Variants in ETV6 observed in about 807,000 individuals in gnomAD.
ETV6 encodes the protein ETS variant transcription factor 6.
A neutral mutation model predicts 51.1 loss-of-function variants in ETV6; 16 were observed. The ratio of observed to expected loss-of-function variants is 0.31; its 90% CI spans 0.21 to 0.48. The LOEUF is 0.48. ETV6 is among the 20% of genes least tolerant of loss of function. The pLI is 0.99. For synonymous variants in ETV6, 240 were observed against 224.1 expected, an observed-to-expected ratio of 1.07 and a Z score of -0.64; for missense variants, 458 against 594.8, an observed-to-expected ratio of 0.77 and a Z score of 2.39.
chr12:11,865,962 T>C (rs1946785537), intron 4 of ETV6, among the ~76,000 whole-genome samples: 1 of 152,088 alleles, frequency 6.6e-6, no homozygotes, highest in Non-Finnish European at 1.5e-5. Context: ...TTTAATTTAT[T>C]CTACTCTGTT....
intron 1 of ETV6, among the ~76,000 whole-genome samples, chr12:11,723,156 A>G (rs1187550612): frequency 6.6e-6 from 1 of 152,178 alleles, no homozygotes; most frequent in Non-Finnish European, 1.5e-5. Flanking sequence ...GGGAATCCTA[A>G]TATCTCATAG....
chr12:11,824,757 G>A (rs1472870911), intron 2 of ETV6, among the ~76,000 whole-genome samples: 1 of 152,172 alleles, frequency 6.6e-6, no homozygotes, highest in Non-Finnish European at 1.5e-5. Flanking sequence ...GAGCGACAGA[G>A]CAAGACTCCA....
chr12:11,770,471 T>C (rs1945227122), intron 2 of ETV6, among the ~76,000 whole-genome samples: 1 of 152,226 alleles, frequency 6.6e-6, no homozygotes, highest in African/African-American at 2.4e-5. Context: ...CTGGGGGTTC[T>C]GAACATAAGT....
At chr12:11,803,580 C>T (rs1277914221) in intron 2 of ETV6, among the ~76,000 whole-genome samples, 2 of 152,064 alleles carry the variant, frequency 1.3e-5, no homozygotes, top group African/African-American at 4.8e-5. Context: ...ATGTAATGTA[C>T]TTATAAAGGA....
rs531847780 is a variant in ETV6 at position 11,842,693 on chromosome 12, G to A, written c.328+3389G>A. Reference sequence around the variant, plus strand: ...TGGAAAGTTTTGATCAGGGAAATATGATTGGAGCTCTCTTTTTGCAACAGA... The same window carrying A: ...TGGAAAGTTTTGATCAGGGAAATATAATTGGAGCTCTCTTTTTGCAACAGA... On this transcript the variant is annotated intron_variant, in intron 3 of 7. Coordinates refer to ENST00000396373, the MANE Select transcript of ETV6 (RefSeq NM_001987.5). 7.9e-5 allele frequency among the ~76,000 whole-genome samples: 12 copies of A among 152,338 alleles called. No individual in the cohort carries two copies. In the East Asian group the frequency reaches 2.3e-3, roughly 29 times the overall value.
At chr12:11,743,629 TG>T (rs1379845970) in intron 1 of ETV6, among the ~76,000 whole-genome samples, 1 of 152,230 alleles carries the variant, frequency 6.6e-6, no homozygotes, top group African/African-American at 2.4e-5. Context: ...TCTTCTCCCC[TG>T]GCTCTCATGT....
chr12:11,717,015 C>G (rs1034564472), intron 1 of ETV6, among the ~76,000 whole-genome samples: 1 of 152,278 alleles, frequency 6.6e-6, no homozygotes, highest in African/African-American at 2.4e-5. Flanking sequence ...CATCCAAGCC[C>G]GTATTTCAGC....
At chr12:11,871,334 G>A (rs1179392650) in intron 5 of ETV6, among the ~76,000 whole-genome samples, 5 of 151,558 alleles carry the variant, frequency 3.3e-5, no homozygotes, top group African/African-American at 4.9e-5. Context: ...GACTACAGGC[G>A]CCCGCCACCA....
At chr12:11,761,175 C>G (rs1050867294) in intron 2 of ETV6, among the ~76,000 whole-genome samples, 2 of 152,066 alleles carry the variant, frequency 1.3e-5, no homozygotes, top group Non-Finnish European at 2.9e-5. Flanking sequence ...TTGTTTCATT[C>G]TATCTATTGG....
intron 1 of ETV6, 62 bp from the exon 2 acceptor site, chr12:11,752,388 C>A: frequency 3.8e-6 from 6 of 1,564,662 alleles, no homozygotes; most frequent in South Asian, 1.2e-5. Context: ...GGTCTCATAC[C>A]TCCATTCCAA....
chr12:11,667,425 A>G (rs1009114623), intron 1 of ETV6, among the ~76,000 whole-genome samples: 39 of 152,142 alleles, frequency 2.6e-4, no homozygotes, highest in Non-Finnish European at 5.4e-4. Context: ...TAGGGTTCCT[A>G]AGAATTAGCA....
intron 1 of ETV6, among the ~76,000 whole-genome samples, chr12:11,722,735 G>C (rs371057847): frequency 6.6e-6 from 1 of 152,182 alleles, no homozygotes; most frequent in East Asian, 1.9e-4. Context: ...CAAATATTTT[G>C]ACCTTTGCCC....
chr12:11,782,831 T>A (rs1042802600), intron 2 of ETV6, among the ~76,000 whole-genome samples: 2 of 152,204 alleles, frequency 1.3e-5, no homozygotes, highest in South Asian at 2.1e-4. Flanking sequence ...GCAATTAAAT[T>A]GTTTCCATGT....
intron 1 of ETV6, among the ~76,000 whole-genome samples, chr12:11,656,563 A>C (rs1864002708): frequency 6.6e-6 from 1 of 152,222 alleles, no homozygotes; most frequent in African/African-American, 2.4e-5. Flanking sequence ...CTGTGGAATG[A>C]ATGTCTAAGT....
intron 1 of ETV6, among the ~76,000 whole-genome samples, chr12:11,697,698 T>A (rs2724657): frequency 6.6e-6 from 1 of 152,040 alleles, no homozygotes; most frequent in African/African-American, 2.4e-5. Context: ...GTCTGAGTAG[T>A]GTAGCATATC....
intron 1 of ETV6, among the ~76,000 whole-genome samples, chr12:11,697,558 T>C (rs1864899689): frequency 6.6e-6 from 1 of 152,214 alleles, no homozygotes; most frequent in Non-Finnish European, 1.5e-5. Context: ...CTGTCTTACT[T>C]TTTAAGTTTC....
chr12:11,723,422 G>C, intron 1 of ETV6, among the ~76,000 whole-genome samples: 1 of 151,932 alleles, frequency 6.6e-6, no homozygotes, highest in East Asian at 1.9e-4. Flanking sequence ...TCCACTTTCA[G>C]TTATTCCTTT....
rs55959869 is a variant in ETV6 at position 11,827,070 on chromosome 12, TCACACACACACACACACACA to T, written c.164-12047_164-12028del. On this transcript the variant is annotated intron_variant, in intron 2 of 7. Transcript: ENST00000396373. Reference sequence around the variant, plus strand: ...AGAATAGAATAGAGAGAAGTCTGTCTCACACACACACACACACACACACACACACACACACACACACAAAT... The same window carrying T: ...AGAATAGAATAGAGAGAAGTCTGTCTCACACACACACACACACACACAAAT... Among the ~76,000 whole-genome samples, 33 of 145,166 alleles carry T rather than the reference TCACACACACACACACACACA, an allele frequency of 2.3e-4. No individual in the cohort carries two copies. In the East Asian group the frequency reaches 6.2e-3, roughly 27 times the overall value.
At position 11,891,011 on chromosome 12, in the gene ETV6, C is replaced by A; in HGVS notation, c.1324C>A (p.Leu442Met). Residue 442 changes from leucine (L) to methionine (M), a missense_variant, in exon 8 of 8, where the codon CTG becomes ATG. Physicochemically the swap from Leu to Met is conservative, Grantham distance 15. This residue lies in a region of ETV6 where 55 missense variants were observed against 151.2 expected (regional missense o/e 0.36). Transcript: ENST00000396373. ...TCTGGAGCACCTAGAGTCCCAGGAGCTGGATGAACAAATATACCAAGAAGA... is the reference window on the plus strand; with the variant it reads ...TCTGGAGCACCTAGAGTCCCAGGAGATGGATGAACAAATATACCAAGAAGA... Reference protein sequence around the residue: ...DRLEHLESQELDEQIYQEDEC With the variant: ...DRLEHLESQEMDEQIYQEDEC 1 of 1,613,810 alleles carries A rather than the reference C, an allele frequency of 6.2e-7. No homozygotes were observed. The highest frequency in any genetic ancestry group is 8.5e-7 in the Non-Finnish European group (1 of 1,179,758).
Sources: gnomAD v4.1 joint callset for allele counts (sites outside exome capture counted in the v4.1 genomes callset) on GRCh38, gnomAD v4.1.1 for gene constraint, gnomAD v4.1.1 regional missense constraint, MANE v1.5 for transcripts, NCBI Gene and HGNC (gene_info 2026-07-23, HGNC 2026-07-21) for gene names.